NINL: variants seen among roughly 807,000 people sequenced by gnomAD.
NINL encodes ninein-like protein.
A neutral mutation model predicts 160.3 loss-of-function variants in NINL; 153 were observed. The observed-to-expected ratio is 0.95, with a 90% CI of 0.84 to 1.09. NINL has a LOEUF of 1.09. Ranked by LOEUF, NINL falls within the 50% of genes least tolerant of loss-of-function variation. The probability of loss-of-function intolerance (pLI) is 0.00; values close to 1 mark genes in which losing one functional copy is unlikely to be tolerated. For missense variants in NINL, 1,829 were observed against 1,764.0 expected (o/e 1.04, Z -0.66); for synonymous variants, 800 against 734.8 (o/e 1.09, Z -1.43).
Position 25,513,012 on chromosome 20 carries a change from A to T in NINL, c.278-6T>A. On this transcript the variant is annotated splice_polypyrimidine_tract_variant and splice_region_variant and intron_variant, in intron 3 of 23. Transcript: ENST00000278886. ...AGGGATGGCACTGGAGGCAGCTGGA[A>T]AGGAAACAGGAAATTTGGTGGGGGT... The T allele has an allele frequency of 1.9e-6, 3 of 1,593,204 alleles. No homozygotes were observed. Among genetic ancestry groups the T allele is most frequent in the Non-Finnish European group, 2.6e-6 (3 of 1,165,634 alleles).
chr20:25,458,329 C>A, intron 22 of NINL, 54 bp downstream of exon 22: 1 of 1,595,704 alleles, frequency 6.3e-7, no homozygotes. Context: ...CCGGTGGGCC[C>A]GCCTCACCCT....
intron 1 of NINL, among the ~76,000 whole-genome samples, chr20:25,543,552 A>C (rs2064695484): frequency 6.6e-6 from 1 of 152,204 alleles, no homozygotes; most frequent in Non-Finnish European, 1.5e-5. Context: ...TCGACGCCTA[A>C]GTAACAAAAG....
At chr20:25,569,847 A>G (rs1008424035) in intron 1 of NINL, among the ~76,000 whole-genome samples, 1 of 152,090 alleles carries the variant, frequency 6.6e-6, no homozygotes, top group Admixed American at 6.5e-5. Flanking sequence ...AACCACCCAG[A>G]GCTTTCTCAG....
In NINL at chr20:25,491,370, T is replaced by C. The variant is rs1291946908; in HGVS notation, c.1466A>G (p.Lys489Arg). The part of the protein sequence containing the change: ...LQAEEAGLRE[K>R]LTLALKENSR... ...CCCTACCTTCAGGGCCAGGGTCAGCTTCTCGCGGAGGCCAGCCTCCTCAGC... is the reference window on the plus strand; with the variant it reads ...CCCTACCTTCAGGGCCAGGGTCAGCCTCTCGCGGAGGCCAGCCTCCTCAGC... The change falls in exon 11 of 24, where the codon AAG becomes AGG. Residue 489 changes from lysine (K) to arginine (R), a missense_variant. Lys to Arg is a conservative substitution (Grantham distance 26). Coordinates refer to ENST00000278886, the MANE Select transcript of NINL (RefSeq NM_025176.6). The C allele has an allele frequency of 6.2e-7, 1 of 1,609,832 alleles. No individual in the cohort carries two copies.
In NINL at chr20:25,482,057, C is replaced by A. The variant is rs373919214; in HGVS notation, c.1721G>T (p.Gly574Val). The stretch of plus-strand genomic sequence containing the variant: ...GTTCTTGGGCAGCCGCGCCCACAGG[C>A]CTTCCAGCTCAGCTTGCAGCTCATC... Reference protein sequence around the residue: ...RNDELQAELEGLWARLPKNRH... With the variant: ...RNDELQAELEVLWARLPKNRH... Residue 574 changes from glycine (G) to valine (V), a missense_variant, in exon 14 of 24, where the codon GGC becomes GTC. Gly to Val is a moderately radical substitution (Grantham distance 109). Coordinates refer to ENST00000278886, the MANE Select transcript of NINL (RefSeq NM_025176.6). 2 of 1,598,354 alleles carry A rather than the reference C, an allele frequency of 1.3e-6. No homozygotes were observed. The highest frequency in any genetic ancestry group is 3.3e-5 in the Admixed American group (2 of 60,010).
At position 25,477,366 on chromosome 20, in the gene NINL, C is replaced by T. The variant is rs187917657; in HGVS notation, c.2202-277G>A. 1.1e-4 allele frequency among the ~76,000 whole-genome samples: 16 copies of T among 152,368 alleles called. No homozygotes were observed. In the East Asian group the frequency reaches 3.1e-3, roughly 29 times the overall value. ...TGTTCACATGGAAGATGGCCGCCAC[C>T]ATGCAGGACCTGGTTGCAGCCCCTC... is the stretch of plus-strand genomic sequence containing the variant. On this transcript the variant is annotated intron_variant, in intron 16 of 23. Coordinates refer to ENST00000278886, the MANE Select transcript of NINL (RefSeq NM_025176.6).
At chr20:25,572,364 T>C (rs1034594416) in intron 1 of NINL, among the ~76,000 whole-genome samples, 2 of 152,156 alleles carry the variant, frequency 1.3e-5, no homozygotes, top group South Asian at 4.1e-4. Context: ...CTCTGAGCTG[T>C]CAGAGCCACT....
intron 1 of NINL, among the ~76,000 whole-genome samples, chr20:25,556,587 T>A (rs1050618708): frequency 6.6e-6 from 1 of 151,854 alleles, no homozygotes. Context: ...ATCATGCCAC[T>A]GTACTCCAAC....
intron 17 of NINL, among the ~76,000 whole-genome samples, chr20:25,472,324 G>GATATATATATATATATATAT (rs56260321): frequency 3.6e-5 from 3 of 83,982 alleles, no homozygotes; most frequent in Non-Finnish European, 4.7e-5. Flanking sequence ...GGGAGGAGAG[G>GATATATATATATATATATAT]ATATATATAT....
At chr20:25,501,237 C>T (rs2063861773) in intron 7 of NINL, among the ~76,000 whole-genome samples, 3 of 152,252 alleles carry the variant, frequency 2.0e-5, no homozygotes, top group African/African-American at 7.2e-5. Context: ...AACCAAGGCC[C>T]CCAACACCCA....
Position 25,520,769 on chromosome 20 carries a change from A to G in NINL, c.181-2920T>C, listed in dbSNP as rs545507070. Among the ~76,000 whole-genome samples the G allele has an allele frequency of 5.9e-5, 9 of 152,302 alleles. No individual in the cohort carries two copies. In the South Asian group the frequency reaches 1.9e-3, roughly 32 times the overall value. ...ACAGAAAGCAACGGTCAATCTAACT[A>G]TGGCTCACTTTTAGGATATGTCTTT... On this transcript the variant is annotated intron_variant, in intron 2 of 23. Coordinates refer to ENST00000278886, the MANE Select transcript of NINL (RefSeq NM_025176.6).
At chr20:25,533,750 C>G (rs2064509015) in intron 1 of NINL, among the ~76,000 whole-genome samples, 1 of 152,182 alleles carries the variant, frequency 6.6e-6, no homozygotes, top group Non-Finnish European at 1.5e-5. Context: ...TCAGTTTAAC[C>G]CTTGCTTTCT....
chr20:25,577,835 CTT>C (rs11476992), intron 1 of NINL, among the ~76,000 whole-genome samples: 191 of 141,494 alleles, frequency 1.3e-3, no homozygotes, highest in Non-Finnish European at 1.7e-3. Flanking sequence ...CTTTTCTTTT[CTT>C]TTTTTTTTTT....
At chr20:25,570,693 A>AT (rs1423732606) in intron 1 of NINL, among the ~76,000 whole-genome samples, 17 of 74,084 alleles carry the variant, frequency 2.3e-4, no homozygotes, top group Middle Eastern at 6.7e-3. Flanking sequence ...GGGCAAGTAG[A>AT]CTTTTTTTTT....
intron 2 of NINL, among the ~76,000 whole-genome samples, chr20:25,525,235 A>G (rs1182476204): frequency 6.6e-6 from 1 of 152,230 alleles, no homozygotes; most frequent in Non-Finnish European, 1.5e-5. Flanking sequence ...AGGAACTAAC[A>G]AGAAGTCGGA....
Position 25,479,107 on chromosome 20 carries a change from C to T in NINL, c.2017G>A (p.Glu673Lys), listed in dbSNP as rs760292434. ...TCCTCCAGGTCGGCCTTCTGACCCT[C>T]CAGCACGCTGACCTCGCGCCTGCGA... ...QARRREVSVL[E>K]GQKADLEELH... The change falls in exon 16 of 24, where the codon GAG (glutamate) becomes AAG (lysine). Residue 673 changes from glutamate (E) to lysine (K), a missense_variant. By Grantham distance (56) the Glu-to-Lys change is moderately conservative (BLOSUM62 1). Transcript: ENST00000278886. 33 of 1,613,708 alleles carry T rather than the reference C, an allele frequency of 2.0e-5. No individual in the cohort carries two copies. Among genetic ancestry groups the T allele is most frequent in the Non-Finnish European group, 2.7e-5 (32 of 1,180,044 alleles).
At chr20:25,503,359 C>T (rs1315581304) in intron 7 of NINL, among the ~76,000 whole-genome samples, 1 of 139,292 alleles carries the variant, frequency 7.2e-6, no homozygotes, top group Non-Finnish European at 1.6e-5. Flanking sequence ...CACCTGAGCA[C>T]TGCCTCCTGT....
intron 1 of NINL, among the ~76,000 whole-genome samples, chr20:25,571,207 G>A (rs927395551): frequency 2.6e-5 from 4 of 152,304 alleles, no homozygotes; most frequent in East Asian, 1.9e-4. Context: ...GGCTGATCAC[G>A]TAAGGGGATA....
chr20:25,480,526 T>G (rs1431114554), intron 14 of NINL, among the ~76,000 whole-genome samples: 7 of 152,150 alleles, frequency 4.6e-5, no homozygotes, highest in Admixed American at 4.6e-4. Context: ...TGCTGTGCTA[T>G]GGTACATTTA....
Sources: allele counts gnomAD v4.1 joint callset (sites outside exome capture counted in the v4.1 genomes callset), GRCh38; gene constraint gnomAD v4.1.1; transcripts MANE v1.5; gene names NCBI Gene and HGNC (gene_info 2026-07-23, HGNC 2026-07-21).